SLC4A4: variants seen among roughly 807,000 people sequenced by gnomAD.
SLC4A4 encodes the protein electrogenic sodium bicarbonate cotransporter 1.
A neutral mutation model predicts 111.5 loss-of-function variants in SLC4A4; 27 were observed. That is an observed-to-expected ratio of 0.24 (90% CI 0.18 to 0.33). The LOEUF is 0.33. SLC4A4 is among the 10% of genes least tolerant of loss of function. The probability of loss-of-function intolerance (pLI) is 1.00; values close to 1 mark genes in which losing one functional copy is unlikely to be tolerated. For synonymous variants in SLC4A4, 443 were observed against 463.4 expected, an observed-to-expected ratio of 0.96 and a Z score of 0.57; for missense variants, 909 against 1,315.5, an observed-to-expected ratio of 0.69 and a Z score of 4.78.
At chr4:71,226,593 C>T (rs902476767) in intron 1 of SLC4A4, among the ~76,000 whole-genome samples, 9 of 152,022 alleles carry the variant, frequency 5.9e-5, no homozygotes, top group African/African-American at 2.2e-4. Flanking sequence ...TTAATTCAAC[C>T]ATAAACATAA....
chr4:71,267,110 A>G (rs1406080590), intron 3 of SLC4A4, among the ~76,000 whole-genome samples: 1 of 152,222 alleles, frequency 6.6e-6, no homozygotes, highest in Non-Finnish European at 1.5e-5. Flanking sequence ...GGGTGATGAT[A>G]GTGAACAAAA....
At chr4:71,116,387 C>T (rs543178147) in intron 2 of SLC4A4, among the ~76,000 whole-genome samples, 1 of 152,216 alleles carries the variant, frequency 6.6e-6, no homozygotes, top group South Asian at 2.1e-4. Flanking sequence ...AAGTAATATA[C>T]CTAGCTTAGA....
chr4:71,398,140 C>A (rs1452262186), intron 7 of SLC4A4, among the ~76,000 whole-genome samples: 5 of 151,930 alleles, frequency 3.3e-5, no homozygotes, highest in African/African-American at 1.2e-4. Context: ...CAAAAATTAG[C>A]CAGGCACGGT....
chr4:71,320,731 G>A (rs1727055345), intron 3 of SLC4A4, among the ~76,000 whole-genome samples: 1 of 151,962 alleles, frequency 6.6e-6, no homozygotes, highest in Non-Finnish European at 1.5e-5. Flanking sequence ...TCTAAACAAG[G>A]GGTTGTCTGA....
intron 2 of SLC4A4, among the ~76,000 whole-genome samples, chr4:71,106,150 C>T (rs1193608938): frequency 2.6e-5 from 4 of 151,804 alleles, no homozygotes; most frequent in African/African-American, 4.8e-5. Flanking sequence ...GACATTTATG[C>T]AGTCAAAAAA....
intron 12 of SLC4A4, among the ~76,000 whole-genome samples, chr4:71,462,753 G>A (rs769648491): frequency 6.6e-6 from 1 of 152,124 alleles, no homozygotes; most frequent in Non-Finnish European, 1.5e-5. Flanking sequence ...TGGTTGCCAT[G>A]TATTGAAAAG....
At chr4:71,080,679 G>A (rs1431626508) in intron 1 of SLC4A4, among the ~76,000 whole-genome samples, 1 of 151,932 alleles carries the variant, frequency 6.6e-6, no homozygotes, top group Non-Finnish European at 1.5e-5. Context: ...TTAGTGTTCT[G>A]GGGTGAGTTG....
intron 1 of SLC4A4, among the ~76,000 whole-genome samples, chr4:71,230,960 T>C (rs139877523): frequency 6.6e-6 from 1 of 152,336 alleles, no homozygotes; most frequent in African/African-American, 2.4e-5. Context: ...AGCAGCAGGC[T>C]TTTTGCTACT....
chr4:71,339,228 T>G (rs1728686439), intron 3 of SLC4A4, 142 bp from the exon 4 acceptor site: 3 of 1,614,152 alleles, frequency 1.9e-6, no homozygotes, highest in Non-Finnish European at 2.5e-6. Flanking sequence ...GATTGGGGAT[T>G]TGGGAGGCTT....
At chr4:71,087,922 T>C (rs7375671) in intron 1 of SLC4A4, among the ~76,000 whole-genome samples, 151,322 of 151,450 alleles carry the variant, frequency 1, 75,597 homozygotes, top group Middle Eastern at 1. Flanking sequence ...CTATTAGGTC[T>C]GCTTGGTGCA....
intron 11 of SLC4A4, among the ~76,000 whole-genome samples, chr4:71,452,872 T>C (rs1725898654): frequency 6.6e-6 from 1 of 152,200 alleles, no homozygotes; most frequent in African/African-American, 2.4e-5. Flanking sequence ...TTTCCAGTAC[T>C]ACATAATGCT....
chr4:71,467,708 G>A (rs1017566544), intron 13 of SLC4A4, among the ~76,000 whole-genome samples: 3 of 151,944 alleles, frequency 2.0e-5, no homozygotes, highest in East Asian at 1.9e-4. Context: ...AAGGGGAAAC[G>A]TGAGTTTCCC....
intron 1 of SLC4A4, among the ~76,000 whole-genome samples, chr4:71,217,591 A>C (rs1278543960): frequency 1.3e-5 from 2 of 152,186 alleles, no homozygotes; most frequent in Non-Finnish European, 1.5e-5. Flanking sequence ...CAAACCACCA[A>C]CAACGAAATG....
intron 3 of SLC4A4, among the ~76,000 whole-genome samples, chr4:71,307,204 A>G (rs1725758510): frequency 6.6e-6 from 1 of 152,216 alleles, no homozygotes; most frequent in Non-Finnish European, 1.5e-5. Flanking sequence ...ATTATAAGGA[A>G]CTTACTACAG....
intron 16 of SLC4A4, among the ~76,000 whole-genome samples, chr4:71,514,330 C>T (rs889918416): frequency 6.6e-6 from 1 of 152,054 alleles, no homozygotes; most frequent in African/African-American, 2.4e-5. Flanking sequence ...CCCCCTTCAC[C>T]CTCTTCCTCC....
intron 3 of SLC4A4, among the ~76,000 whole-genome samples, chr4:71,310,274 A>G (rs1014046014): frequency 6.6e-6 from 1 of 152,178 alleles, no homozygotes; most frequent in African/African-American, 2.4e-5. Context: ...GATATTATCC[A>G]GGAGAACCTC....
rs888373136 is a variant in SLC4A4 at position 71,156,697 on chromosome 4, G to A, written c.-2+63905G>A. Among the ~76,000 whole-genome samples, 3 of 151,684 alleles carry A rather than the reference G, an allele frequency of 2.0e-5. No individual in the cohort carries two copies. In the South Asian group the frequency reaches 6.3e-4, roughly 32 times the overall value. On this transcript the variant is annotated intron_variant, in intron 2 of 26. Coordinates refer to the SLC4A4 transcript ENST00000649996. ...ACAGGGGATGAGGAAGAAAAAAAAAGATACATAACATAACAGCCCTTGAAA... is the reference window on the plus strand; with the variant it reads ...ACAGGGGATGAGGAAGAAAAAAAAAAATACATAACATAACAGCCCTTGAAA...
chr4:71,176,763 T>C (rs1745106690), intron 2 of SLC4A4, among the ~76,000 whole-genome samples: 1 of 152,164 alleles, frequency 6.6e-6, no homozygotes, highest in Non-Finnish European at 1.5e-5. Flanking sequence ...CTGCAGGGTA[T>C]TATCCAGGAG....
rs1560533799 is a variant in SLC4A4, at chr4:71,466,957, GAGA to G, written c.1631+381_1631+383del. 1.1e-4 allele frequency among the ~76,000 whole-genome samples: 14 copies of G among 124,542 alleles called. No homozygotes were observed. The East Asian group carries it at 3.1e-3, about 27-fold the overall frequency. The allele number at this position is 124,542 out of a possible 152,430, so 81.7% of individuals were successfully genotyped here. A position where few individuals can be genotyped will look rare whatever the true frequency, so the allele number is the denominator to read the frequency against. On this transcript the variant is annotated intron_variant, in intron 13 of 25. Transcript: ENST00000264485. ...AGAGAGAGAGAGAGAGAGAGAGAGAGAGAGAGAGGGAGAGAGAGAGAGGTCTGA... is the reference window on the plus strand; with the variant it reads ...AGAGAGAGAGAGAGAGAGAGAGAGAGGAGAGGGAGAGAGAGAGAGGTCTGA...
Sources: allele counts gnomAD v4.1 joint callset (sites outside exome capture counted in the v4.1 genomes callset), GRCh38; gene constraint gnomAD v4.1.1; transcripts MANE v1.5; gene names NCBI Gene and HGNC (gene_info 2026-07-23, HGNC 2026-07-21).